The following ZNF717 variants were observed in gnomAD, a reference collection of about 807,000 sequenced individuals.
The protein encoded by ZNF717 is zinc finger protein 717, also known as krueppel-like factor X17.
Under a neutral mutation model 13.8 loss-of-function variants are expected in ZNF717, and 9 were observed. The observed-to-expected ratio is 0.65, with a 90% CI of 0.39 to 1.14. The LOEUF is 1.14. Among genes scored for constraint, ZNF717 ranks in the 50% most tolerant of loss-of-function variants. ZNF717 has a pLI of 0.01. For missense variants in ZNF717, 1,040 were observed against 1,080.7 expected, an observed-to-expected ratio of 0.96 and a Z score of 0.53; for synonymous variants, 327 against 364.1, an observed-to-expected ratio of 0.90 and a Z score of 1.16.
At chr3:75,767,975 G>A (rs1485181506) in intron 2 of ZNF717, among the ~76,000 whole-genome samples, 1 of 152,130 alleles carries the variant, frequency 6.6e-6, no homozygotes, top group Non-Finnish European at 1.5e-5. Flanking sequence ...CGGCAACCCA[G>A]GCACTGAAGG....
At chr3:75,695,477 G>A (rs1340216251) in intron 6 of ZNF717, among the ~76,000 whole-genome samples, 2 of 152,302 alleles carry the variant, frequency 1.3e-5, no homozygotes, top group Non-Finnish European at 2.9e-5. Flanking sequence ...CAGAACAAAT[G>A]AACCTACTAG....
At chr3:75,727,142 T>C (rs1383533706), downstream of ZNF717, among the ~76,000 whole-genome samples, 2 of 152,272 alleles carry the variant, frequency 1.3e-5, no homozygotes, top group Non-Finnish European at 2.9e-5. Context: ...CTTACTTTAA[T>C]CTCCTAATCC....
downstream of ZNF717, among the ~76,000 whole-genome samples, chr3:75,735,452 C>A (rs1320139689): frequency 3.3e-5 from 2 of 60,704 alleles, no homozygotes; most frequent in Non-Finnish European, 6.8e-5. Flanking sequence ...ACAGTGAGAC[C>A]CTGTCCCTAC....
downstream of ZNF717, among the ~76,000 whole-genome samples, chr3:75,727,984 T>C (rs1265944079): frequency 2.0e-5 from 3 of 152,238 alleles, no homozygotes; most frequent in Non-Finnish European, 4.4e-5. Flanking sequence ...AGAAAGAACC[T>C]ACATTGAAAT....
intron 2 of ZNF717, among the ~76,000 whole-genome samples, chr3:75,744,034 AAGAGAATG>A (rs1347342846): frequency 6.6e-6 from 1 of 152,274 alleles, no homozygotes; most frequent in Non-Finnish European, 1.5e-5. Flanking sequence ...AAATGAAAAT[AAGAGAATG>A]AAAGAATAAA....
intron 4 of ZNF717, among the ~76,000 whole-genome samples, chr3:75,718,278 AG>A (rs1372631687): frequency 6.6e-6 from 1 of 152,128 alleles, no homozygotes; most frequent in African/African-American, 2.4e-5. Context: ...CTTAGGTAAG[AG>A]GGTGCACATC....
chr3:75,696,659 G>A (rs549076337), intron 6 of ZNF717, among the ~76,000 whole-genome samples: 242 of 152,188 alleles, frequency 1.6e-3, no homozygotes, highest in African/African-American at 5.4e-3. Flanking sequence ...TTGGGAAGCC[G>A]AGGTGGGCAG....
chr3:75,736,471 A>T lies in ZNF717; in HGVS notation c.*407T>A. 1 of 173,586 alleles carries T rather than the reference A, an allele frequency of 5.8e-6. No individual in the cohort carries two copies. The highest frequency in any genetic ancestry group is 1.2e-5 in the Non-Finnish European group (1 of 82,030). 10.8% of individuals were successfully genotyped at this position (173,586 alleles called of 1,614,324 possible). A position where few individuals can be genotyped will look rare whatever the true frequency, so the allele number is the denominator to read the frequency against. ...AGAACACATGAATGATTTTTAAAAAACAAAACAGGCTTTTTACTGACACAG... is the reference window on the plus strand; with the variant it reads ...AGAACACATGAATGATTTTTAAAAATCAAAACAGGCTTTTTACTGACACAG... On this transcript the variant is annotated 3_prime_UTR_variant, in exon 5 of 5. Coordinates refer to ENST00000652011, the MANE Select transcript of ZNF717 (RefSeq NM_001290208.3).
intron 2 of ZNF717, among the ~76,000 whole-genome samples, chr3:75,777,018 G>C (rs138204855): frequency 1.3e-3 from 191 of 152,318 alleles, no homozygotes; most frequent in Middle Eastern, 6.8e-3. Flanking sequence ...CAAATTCTTG[G>C]TGATATCCCA....
At position 75,752,063 on chromosome 3, in the gene ZNF717, C is replaced by A. The variant is rs1197247033; in HGVS notation, c.58-10327G>T. On this transcript the variant is annotated intron_variant, in intron 2 of 4. Coordinates refer to ENST00000652011, the MANE Select transcript of ZNF717 (RefSeq NM_001290208.3). ...CCTCACATGGGATTCCAGAACACTCCTGCTGTGGTCTGACTAACCCTCACA... is the reference window on the plus strand; with the variant it reads ...CCTCACATGGGATTCCAGAACACTCATGCTGTGGTCTGACTAACCCTCACA... 5.3e-4 allele frequency among the ~76,000 whole-genome samples: 80 copies of A among 151,622 alleles called. 1 individual carries two copies. Among genetic ancestry groups the A allele is most frequent in the Non-Finnish European group, 7.1e-4 (48 of 67,948 alleles).
intron 2 of ZNF717, among the ~76,000 whole-genome samples, chr3:75,777,843 C>T (rs1482304963): frequency 2.0e-5 from 3 of 147,616 alleles, no homozygotes; most frequent in East Asian, 2.0e-4. Context: ...AAACCCAAAA[C>T]AATGGGAGTG....
chr3:75,714,812 G>C (rs1051086052), intron 5 of ZNF717, among the ~76,000 whole-genome samples: 1 of 152,092 alleles, frequency 6.6e-6, no homozygotes, highest in Non-Finnish European at 1.5e-5. Flanking sequence ...GTTAATTATT[G>C]TATATTTCAT....
At position 75,724,158 on chromosome 3, in the gene ZNF717, G is replaced by C. The variant is rs1229019656; in HGVS notation, n.545-7617C>G. On this transcript the variant is annotated intron_variant and non_coding_transcript_variant, in intron 4 of 5. Transcript: ENST00000491507. The stretch of plus-strand genomic sequence containing the variant: ...CCACGTGACCTTACCTATCATTGGA[G>C]ATGGCTCACACTCCTTACCCTGCCC... Among the ~76,000 whole-genome samples, 4 of 152,096 alleles carry C rather than the reference G, an allele frequency of 2.6e-5. No individual in the cohort carries two copies. In the South Asian group the frequency reaches 8.3e-4, roughly 32 times the overall value.
chr3:75,724,991 G>C (rs1938248690), downstream of ZNF717, among the ~76,000 whole-genome samples: 1 of 152,138 alleles, frequency 6.6e-6, no homozygotes, highest in Non-Finnish European at 1.5e-5. Context: ...ACAACTTTAT[G>C]ACTCAGTGAA....
chr3:75,708,613 C>T (rs183654499), downstream of ZNF717, among the ~76,000 whole-genome samples: 15 of 151,056 alleles, frequency 9.9e-5, no homozygotes, highest in South Asian at 2.1e-4. Flanking sequence ...CAAAGCTGGA[C>T]GGAGAATGAC....
intron 2 of ZNF717, among the ~76,000 whole-genome samples, chr3:75,782,254 G>A (rs1440108622): frequency 6.6e-6 from 1 of 152,172 alleles, no homozygotes; most frequent in African/African-American, 2.4e-5. Flanking sequence ...ATAAACACTG[G>A]AAGTATTTCC....
chr3:75,735,635 T>TTA (rs1939084006), downstream of ZNF717, among the ~76,000 whole-genome samples: 1 of 79,844 alleles, frequency 1.3e-5, no homozygotes, highest in Admixed American at 1.3e-4. Flanking sequence ...ACTGTCTCAA[T>TTA]AAAAAAAAAA....
downstream of ZNF717, among the ~76,000 whole-genome samples, chr3:75,727,982 C>T (rs1488885297): frequency 6.6e-6 from 1 of 152,228 alleles, no homozygotes; most frequent in Non-Finnish European, 1.5e-5. Flanking sequence ...ATAGAAAGAA[C>T]CTACATTGAA....
rs376582174 is a variant in ZNF717, at chr3:75,747,726, G to A, written c.58-5990C>T. On this transcript the variant is annotated intron_variant, in intron 2 of 4. Transcript: ENST00000652011. The stretch of plus-strand genomic sequence containing the variant: ...CATTGATTTTGTATCCTGAGACTTC[G>A]CTGAAGCTGCTTATCAGCTTAAGGA... Among the ~76,000 whole-genome samples, 7 of 152,114 alleles carry A rather than the reference G, an allele frequency of 4.6e-5. No homozygotes were observed. The East Asian group carries it at 1.2e-3, about 25-fold the overall frequency.
Sources: allele counts gnomAD v4.1 joint callset (sites outside exome capture counted in the v4.1 genomes callset), GRCh38; gene constraint gnomAD v4.1.1; transcripts MANE v1.5; gene names NCBI Gene and HGNC (gene_info 2026-07-23, HGNC 2026-07-21).